Variants in NRG1 observed in about 807,000 individuals in gnomAD.
The protein encoded by NRG1 is pro-neuregulin-1, membrane-bound isoform.
In NRG1, 18 loss-of-function variants were observed where a neutral mutation model predicts 63.8. The ratio of observed to expected loss-of-function variants is 0.28; its 90% CI spans 0.19 to 0.42. The LOEUF (loss-of-function observed/expected upper bound fraction) is 0.42. NRG1 is among the 10% of genes least tolerant of loss of function. The probability of loss-of-function intolerance (pLI) is 1.00; values close to 1 mark genes in which losing one functional copy is unlikely to be tolerated. For synonymous variants in NRG1, 302 were observed against 301.3 expected (o/e 1.00, Z -0.02); for missense variants, 762 against 814.7 (o/e 0.94, Z 0.79).
intron 1 of NRG1, among the ~76,000 whole-genome samples, chr8:31,780,317 A>G (rs1374869817): frequency 6.6e-6 from 1 of 152,152 alleles, no homozygotes; most frequent in Non-Finnish European, 1.5e-5. Context: ...TTTCAGTTGT[A>G]GGCATGAAGC....
intron 2 of NRG1, 66 bp from the exon 3 acceptor site, chr8:32,605,496 G>T: frequency 6.3e-7 from 1 of 1,580,022 alleles, no homozygotes; most frequent in Non-Finnish European, 8.7e-7. Flanking sequence ...GCATAGAAAA[G>T]TATGTATTTA....
intron 1 of NRG1, among the ~76,000 whole-genome samples, chr8:32,130,607 G>A (rs915160115): frequency 5.9e-5 from 9 of 151,988 alleles, no homozygotes; most frequent in African/African-American, 2.2e-4. Flanking sequence ...TCAGATTGGT[G>A]GGCGTAGGAA....
chr8:32,750,735 G>A lies in NRG1; in HGVS notation c.692-3637G>A, dbSNP rs554005799. On this transcript the variant is annotated intron_variant, in intron 7 of 11. Coordinates refer to ENST00000356819, the Ensembl canonical transcript of NRG1. ...CAAAAAAAAAAAAAAAAAAAATCAG[G>A]AGTAAACTACCAATTTGATGAGAAG... Among the ~76,000 whole-genome samples, 9 of 142,342 alleles carry A rather than the reference G, an allele frequency of 6.3e-5. No homozygotes were observed. The East Asian group carries it at 1.9e-3, about 30-fold the overall frequency. The allele number at this position is 142,342 out of a possible 152,430, so 93.4% of individuals were successfully genotyped here.
At chr8:32,563,600 G>A (rs539519212) in intron 1 of NRG1, among the ~76,000 whole-genome samples, 2 of 152,284 alleles carry the variant, frequency 1.3e-5, no homozygotes, top group African/African-American at 4.8e-5. Context: ...GAAGTTGTGG[G>A]ATTTAACCTC....
At position 31,755,593 on chromosome 8, in the gene NRG1, CT is replaced by C. The variant is rs559611163; in HGVS notation, c.37+116164del. On this transcript the variant is annotated intron_variant, in intron 1 of 10. Transcript: ENST00000519301. ...GTGTTCAGGAAGTACTTTATTTAAC[CT>C]TGCCTGCGGGTTAATGAATCCTTGC... Among the ~76,000 whole-genome samples the C allele has an allele frequency of 3.9e-5, 6 of 152,172 alleles. No individual in the cohort carries two copies. In the East Asian group the frequency reaches 1.2e-3, roughly 29 times the overall value.
intron 1 of NRG1, among the ~76,000 whole-genome samples, chr8:31,959,187 T>A (rs892599859): frequency 6.6e-6 from 1 of 152,260 alleles, no homozygotes; most frequent in African/African-American, 2.4e-5. Context: ...TTGTATTTTC[T>A]GCTCCTGAGC....
chr8:31,905,738 A>G (rs1585649714), intron 1 of NRG1, among the ~76,000 whole-genome samples: 1 of 152,324 alleles, frequency 6.6e-6, no homozygotes, highest in Non-Finnish European at 1.5e-5. Context: ...GATGCTTGAC[A>G]TTAAAGGATT....
In NRG1 at chr8:32,348,449, A is replaced by G. The variant is rs535856363; in HGVS notation, c.38-247379A>G. Among the ~76,000 whole-genome samples, 5 of 152,312 alleles carry G rather than the reference A, an allele frequency of 3.3e-5. No individual in the cohort carries two copies. The East Asian group carries it at 9.6e-4, about 29-fold the overall frequency. The stretch of plus-strand genomic sequence containing the variant: ...TAAGTGGCAGGAAGAAGCTAAAGCC[A>G]TATTTTTCAGTCAAAATGTTAGCAG... On this transcript the variant is annotated intron_variant, in intron 1 of 10. Transcript: ENST00000519301.
intron 1 of NRG1, among the ~76,000 whole-genome samples, chr8:32,315,760 A>G (rs1455908509): frequency 1.3e-5 from 2 of 152,230 alleles, no homozygotes; most frequent in African/African-American, 4.8e-5. Flanking sequence ...CTGTAAAATG[A>G]GTGAGCCCTC....
chr8:32,515,930 TG>T (rs1829779825), intron 1 of NRG1, among the ~76,000 whole-genome samples: 2 of 152,228 alleles, frequency 1.3e-5, no homozygotes, highest in Non-Finnish European at 2.9e-5. Context: ...AGGTCCCACT[TG>T]TCAATTTTGT....
chr8:32,711,749 T>C (rs527736449), intron 5 of NRG1, among the ~76,000 whole-genome samples: 1 of 152,282 alleles, frequency 6.6e-6, no homozygotes, highest in South Asian at 2.1e-4. Context: ...AGATCACCTA[T>C]AAGCAGAACA....
intron 1 of NRG1, among the ~76,000 whole-genome samples, chr8:31,924,265 C>T (rs1563573199): frequency 6.6e-6 from 1 of 151,422 alleles, no homozygotes; most frequent in Non-Finnish European, 1.5e-5. Flanking sequence ...TGAGGCAGGT[C>T]GCTTGAACCC....
chr8:32,448,367 G>A (rs977749031), intron 1 of NRG1, among the ~76,000 whole-genome samples: 16 of 152,000 alleles, frequency 1.1e-4, no homozygotes, highest in African/African-American at 3.9e-4. Context: ...TTTCTAACCA[G>A]GTTATTTTAT....
chr8:32,470,238 T>A lies in NRG1; in HGVS notation c.38-125590T>A, dbSNP rs373819400. Reference sequence around the variant, plus strand: ...CTCTGTTGCCCAGGCTGGAGTGCAGTGGCGCCATCTCGGCTCACTGCAAGC... The same window carrying A: ...CTCTGTTGCCCAGGCTGGAGTGCAGAGGCGCCATCTCGGCTCACTGCAAGC... On this transcript the variant is annotated intron_variant, in intron 1 of 10. Coordinates refer to the NRG1 transcript ENST00000519301. Among the ~76,000 whole-genome samples, 390 of 148,026 alleles carry A rather than the reference T, an allele frequency of 2.6e-3. 4 individuals are homozygous for A. Among genetic ancestry groups the A allele is most frequent in the African/African-American group, 9.2e-3 (370 of 40,186 alleles).
At chr8:32,535,513 T>C (rs546155366) in intron 1 of NRG1, among the ~76,000 whole-genome samples, 28 of 152,112 alleles carry the variant, frequency 1.8e-4, no homozygotes, top group African/African-American at 6.7e-4. Flanking sequence ...CCTCTAAAAA[T>C]AGAAAAAAAG....
At chr8:31,985,377 A>G (rs1396771751) in intron 1 of NRG1, among the ~76,000 whole-genome samples, 1 of 152,142 alleles carries the variant, frequency 6.6e-6, no homozygotes, top group African/African-American at 2.4e-5. Context: ...GCGAGCATTT[A>G]TAGAAAGAAG....
intron 5 of NRG1, among the ~76,000 whole-genome samples, chr8:32,632,213 T>C (rs558569418): frequency 6.6e-5 from 10 of 152,060 alleles, no homozygotes; most frequent in African/African-American, 2.4e-4. Context: ...AATAAGTGAG[T>C]TCCATCGAAG....
At chr8:32,475,093 A>G (rs1824339587) in intron 1 of NRG1, among the ~76,000 whole-genome samples, 4 of 152,078 alleles carry the variant, frequency 2.6e-5, no homozygotes, top group Admixed American at 2.6e-4. Context: ...AAAAAGCCCC[A>G]AGTGTTAGAA....
At chr8:31,678,508 T>C (rs948700842) in intron 1 of NRG1, among the ~76,000 whole-genome samples, 3 of 152,030 alleles carry the variant, frequency 2.0e-5, no homozygotes, top group African/African-American at 7.2e-5. Flanking sequence ...CTTTAGTTTT[T>C]TCCTCTTTAC....
Sources: gnomAD v4.1 joint callset for allele counts (sites outside exome capture counted in the v4.1 genomes callset) on GRCh38, gnomAD v4.1.1 for gene constraint, MANE v1.5 for transcripts, NCBI Gene and HGNC (gene_info 2026-07-23, HGNC 2026-07-21) for gene names.